The following FRY variants were observed in gnomAD, a reference collection of about 807,000 sequenced individuals.
FRY encodes the protein FRY microtubule binding protein.
A neutral mutation model predicts 348.4 loss-of-function variants in FRY; 128 were observed. The observed-to-expected ratio is 0.37, with a 90% CI of 0.32 to 0.43. The LOEUF (loss-of-function observed/expected upper bound fraction) is 0.43, where lower values mean the gene tolerates loss of function less well. FRY is among the 20% of genes least tolerant of loss of function. The probability of loss-of-function intolerance (pLI) is 1.00; values close to 1 mark genes in which losing one functional copy is unlikely to be tolerated. For synonymous variants in FRY, 1,370 were observed against 1,374.7 expected, an observed-to-expected ratio of 1.00 and a Z score of 0.08; for missense variants, 2,736 against 3,695.2, an observed-to-expected ratio of 0.74 and a Z score of 6.73.
At chr13:32,190,010 G>C (rs1262429881) in intron 28 of FRY, among the ~76,000 whole-genome samples, 1 of 151,958 alleles carries the variant, frequency 6.6e-6, no homozygotes, top group African/African-American at 2.4e-5. Context: ...TCAAATGTCT[G>C]TCAGTTCATT....
chr13:32,146,960 T>C (rs1230683117), intron 11 of FRY, among the ~76,000 whole-genome samples: 1 of 152,154 alleles, frequency 6.6e-6, no homozygotes, highest in African/African-American at 2.4e-5. Flanking sequence ...CTGATTCTCA[T>C]ATTGGTGCTA....
chr13:32,098,657 A>G (rs1876934204), intron 2 of FRY, among the ~76,000 whole-genome samples: 1 of 152,016 alleles, frequency 6.6e-6, no homozygotes, highest in South Asian at 2.1e-4. Context: ...AACACTCATA[A>G]GAGGAAATTA....
intron 35 of FRY, among the ~76,000 whole-genome samples, chr13:32,214,276 CACTT>C (rs974147588): frequency 3.9e-5 from 6 of 152,190 alleles, no homozygotes; most frequent in Admixed American, 1.3e-4. Flanking sequence ...CTTACAGACA[CACTT>C]AACCACCAGA....
intron 51 of FRY, chr13:32,257,891 T>A: frequency 7.9e-7 from 1 of 1,261,196 alleles, no homozygotes; most frequent in East Asian, 2.3e-5. Context: ...AGAAATGTTC[T>A]TGAGTATCTT....
intron 19 of FRY, among the ~76,000 whole-genome samples, chr13:32,175,096 G>A (rs1323528105): frequency 6.6e-6 from 1 of 151,984 alleles, no homozygotes; most frequent in Non-Finnish European, 1.5e-5. Context: ...TAGTTTCTTT[G>A]GGACTAAAAT....
Position 32,052,018 on chromosome 13 carries a change from T to G in FRY, c.70+20153T>G, listed in dbSNP as rs958584981. ...AGTATTTAATATCAGAAATCTCTTT[T>G]ATGATCTTTTGCTGCTCAACTTCTA... On this transcript the variant is annotated intron_variant, in intron 1 of 60. Coordinates refer to ENST00000542859, the MANE Select transcript of FRY (RefSeq NM_023037.3). Among the ~76,000 whole-genome samples, 5 of 152,222 alleles carry G rather than the reference T, an allele frequency of 3.3e-5. No individual in the cohort carries two copies. In the East Asian group the frequency reaches 7.7e-4, roughly 23 times the overall value.
intron 18 of FRY, among the ~76,000 whole-genome samples, chr13:32,172,208 G>T (rs1882130766): frequency 6.6e-6 from 1 of 151,996 alleles, no homozygotes; most frequent in Non-Finnish European, 1.5e-5. Flanking sequence ...ATATGGATTT[G>T]GATGTAAATG....
intron 22 of FRY, 45 bp from the exon 23 acceptor site, chr13:32,179,630 A>T (rs372015348): frequency 1.2e-6 from 2 of 1,607,262 alleles, no homozygotes; most frequent in African/African-American, 2.7e-5. Flanking sequence ...AGGAACCATC[A>T]GTTACCATGT....
intron 1 of FRY, 45 bp from the exon 2 acceptor site, chr13:32,078,789 A>G: frequency 7.5e-7 from 1 of 1,341,120 alleles, no homozygotes; most frequent in Non-Finnish European, 1.1e-6. Context: ...CTGAATATTT[A>G]TGACATTATT....
At chr13:32,210,306 G>A (rs1237488823) in intron 33 of FRY, among the ~76,000 whole-genome samples, 1 of 152,226 alleles carries the variant, frequency 6.6e-6, no homozygotes, top group Non-Finnish European at 1.5e-5. Context: ...GGTTGTTTTT[G>A]TGACAGGTTT....
chr13:32,126,311 G>A (rs940030981), intron 7 of FRY, among the ~76,000 whole-genome samples: 3 of 152,128 alleles, frequency 2.0e-5, no homozygotes, highest in Non-Finnish European at 4.4e-5. Flanking sequence ...TGTGAATTAT[G>A]CATAACAATA....
At chr13:32,092,106 C>A (rs1372048938) in intron 2 of FRY, among the ~76,000 whole-genome samples, 5 of 152,298 alleles carry the variant, frequency 3.3e-5, no homozygotes, top group East Asian at 1.9e-4. Context: ...ATCCATGTAA[C>A]AAAACTGCAC....
chr13:32,261,165 G>A (rs908278475), intron 51 of FRY, among the ~76,000 whole-genome samples: 3 of 152,188 alleles, frequency 2.0e-5, no homozygotes, highest in Non-Finnish European at 2.9e-5. Flanking sequence ...ATACCCAAAG[G>A]ATTCTGGAAT....
At chr13:32,254,149 A>C (rs1887220514) in intron 50 of FRY, 75 bp from the exon 51 acceptor site, 2 of 1,332,920 alleles carry the variant, frequency 1.5e-6, no homozygotes, top group Admixed American at 3.4e-5. Flanking sequence ...TGCTATGAAG[A>C]GCCAATTACA....
intron 7 of FRY, among the ~76,000 whole-genome samples, chr13:32,131,062 C>T (rs1037886110): frequency 2.6e-5 from 4 of 152,146 alleles, no homozygotes; most frequent in African/African-American, 4.8e-5. Context: ...GTGATCTGCC[C>T]GCATCGGCCT....
At chr13:32,135,490 G>T (rs186026853) in intron 10 of FRY, among the ~76,000 whole-genome samples, 2 of 152,252 alleles carry the variant, frequency 1.3e-5, no homozygotes, top group Admixed American at 1.3e-4. Flanking sequence ...TTTCCAATCT[G>T]AAGGCTAAAG....
chr13:32,263,885 G>A (rs770357648), intron 53 of FRY, among the ~76,000 whole-genome samples: 11 of 152,118 alleles, frequency 7.2e-5, no homozygotes, highest in East Asian at 1.9e-4. Flanking sequence ...GGCGGTGCCC[G>A]TAATCCCAGC....
Position 32,267,343 on chromosome 13 carries a change from T to A in FRY, c.8120T>A (p.Phe2707Tyr). 6.2e-7 allele frequency: 1 copy of A among 1,614,028 alleles called. No homozygotes were observed. The highest frequency in any genetic ancestry group is 2.2e-5 in the East Asian group (1 of 44,866). The change falls in exon 55 of 61, where the codon TTC becomes TAC. Residue 2707 changes from phenylalanine (F) to tyrosine (Y), a missense_variant. Phe to Tyr is a conservative substitution (Grantham distance 22). Transcript: ENST00000542859. ...GSCAVYTFHV[F>Y]SSLFKNIQKR... ...TGTGCTGTGTATACATTTCATGTGT[T>A]CTCCTCCTTGTTTAAGGTATGTGTG...
chr13:32,103,287 T>C (rs448792), intron 3 of FRY, among the ~76,000 whole-genome samples: 148,202 of 152,358 alleles, frequency 0.97, 72,180 homozygotes, highest in Non-Finnish European at 1. Context: ...TGGCAGGTGC[T>C]GAGGTGGTCA....
Sources: gnomAD v4.1 joint callset for allele counts (sites outside exome capture counted in the v4.1 genomes callset) on GRCh38, gnomAD v4.1.1 for gene constraint, MANE v1.5 for transcripts, NCBI Gene and HGNC (gene_info 2026-07-23, HGNC 2026-07-21) for gene names.